MYO1B: variants seen among roughly 807,000 people sequenced by gnomAD.
MYO1B encodes myosin IB, also known as unconventional myosin-Ib.
Under a neutral mutation model 159.7 loss-of-function variants are expected in MYO1B, and 72 were observed. The ratio of observed to expected loss-of-function variants is 0.45; its 90% CI spans 0.37 to 0.55. The LOEUF (loss-of-function observed/expected upper bound fraction) is 0.55, where lower values mean the gene tolerates loss of function less well. MYO1B is among the 20% of genes least tolerant of loss of function. The pLI, the probability that MYO1B is intolerant of heterozygous loss-of-function variation, is 0.00. For synonymous variants in MYO1B, 468 were observed against 473.8 expected (o/e 0.99, Z 0.16); for missense variants, 1,062 against 1,364.8 (o/e 0.78, Z 3.50).
chr2:191,408,713 G>A (rs2203750), intron 25 of MYO1B, among the ~76,000 whole-genome samples: 147,038 of 152,326 alleles, frequency 0.97, 71,164 homozygotes, highest in Middle Eastern at 1. Context: ...TTTAATTTTA[G>A]TTACTTAAAA....
chr2:191,338,888 A>G (rs191278386), intron 4 of MYO1B, among the ~76,000 whole-genome samples: 110 of 152,314 alleles, frequency 7.2e-4, no homozygotes, highest in African/African-American at 2.5e-3. Flanking sequence ...GTGTGTGTGC[A>G]TTAGTATGTT....
chr2:191,321,297 C>G (rs1489363088), intron 3 of MYO1B, among the ~76,000 whole-genome samples: 2 of 152,130 alleles, frequency 1.3e-5, no homozygotes, highest in East Asian at 3.9e-4. Flanking sequence ...AGTAACTTCT[C>G]TTGGGATAGG....
chr2:191,305,621 CG>C (rs1456872091), intron 3 of MYO1B, among the ~76,000 whole-genome samples: 1 of 152,140 alleles, frequency 6.6e-6, no homozygotes. Flanking sequence ...CACAGGCTGG[CG>C]TGGGAGACAG....
At chr2:191,370,610 G>A (rs1694303878) in intron 13 of MYO1B, among the ~76,000 whole-genome samples, 2 of 152,300 alleles carry the variant, frequency 1.3e-5, no homozygotes, top group African/African-American at 2.4e-5. Flanking sequence ...TTGAAATTGC[G>A]TATTTAAATT....
At chr2:191,414,771 T>A in intron 29 of MYO1B, 102 bp downstream of exon 29, 1 of 1,325,768 alleles carries the variant, frequency 7.5e-7, no homozygotes, top group Non-Finnish European at 9.9e-7. Context: ...TCTGCCTTGC[T>A]AATTTGCAAA....
At chr2:191,266,263 A>G (rs1444291119) in intron 1 of MYO1B, among the ~76,000 whole-genome samples, 1 of 152,216 alleles carries the variant, frequency 6.6e-6, no homozygotes, top group Non-Finnish European at 1.5e-5. Context: ...AGAAAGGGGC[A>G]TTGGAGAGGG....
intron 1 of MYO1B, among the ~76,000 whole-genome samples, chr2:191,271,601 A>G (rs1329597700): frequency 1.3e-5 from 2 of 152,154 alleles, no homozygotes; most frequent in South Asian, 2.1e-4. Context: ...CTCAGCTCTG[A>G]TTTGTGAATA....
At chr2:191,255,239 C>CT (rs1280972656) in intron 1 of MYO1B, among the ~76,000 whole-genome samples, 1 of 152,114 alleles carries the variant, frequency 6.6e-6, no homozygotes, top group Non-Finnish European at 1.5e-5. Context: ...TGTACTGAAT[C>CT]TTTAATGTTG....
chr2:191,381,202 G>A (rs1695021152), intron 13 of MYO1B: 2 of 480,056 alleles, frequency 4.2e-6, no homozygotes, highest in Non-Finnish European at 3.8e-6. Context: ...TTCTGTTTGG[G>A]GTGCTTCTCT....
intron 4 of MYO1B, among the ~76,000 whole-genome samples, chr2:191,332,125 G>A (rs536201444): frequency 6.6e-6 from 1 of 152,214 alleles, no homozygotes; most frequent in East Asian, 1.9e-4. Context: ...ACCACGCCCG[G>A]CTAATTTTTG....
At chr2:191,331,642 A>G (rs747321339) in intron 4 of MYO1B, among the ~76,000 whole-genome samples, 23 of 152,304 alleles carry the variant, frequency 1.5e-4, no homozygotes, top group Non-Finnish European at 2.5e-4. Context: ...TTGAATACCA[A>G]CTTAGTGAAA....
intron 1 of MYO1B, among the ~76,000 whole-genome samples, chr2:191,276,253 C>G (rs955987300): frequency 1.6e-4 from 25 of 152,124 alleles, no homozygotes; most frequent in African/African-American, 5.3e-4. Flanking sequence ...AATGAAATTT[C>G]CTCCCATAGA....
At chr2:191,357,022 G>A (rs187491852) in intron 7 of MYO1B, among the ~76,000 whole-genome samples, 163 of 152,198 alleles carry the variant, frequency 1.1e-3, no homozygotes, top group African/African-American at 3.8e-3. Flanking sequence ...TGATTTTTTC[G>A]TAATTAGCCT....
chr2:191,320,010 C>T (rs780863127), intron 3 of MYO1B, among the ~76,000 whole-genome samples: 20 of 152,012 alleles, frequency 1.3e-4, no homozygotes, highest in Non-Finnish European at 2.4e-4. Context: ...ATGAGAGACT[C>T]CTCTAAGACA....
At chr2:191,373,014 G>T (rs1694471498) in intron 13 of MYO1B, among the ~76,000 whole-genome samples, 1 of 146,680 alleles carries the variant, frequency 6.8e-6, no homozygotes, top group Admixed American at 7.0e-5. Flanking sequence ...ACCACGCCCA[G>T]CTAATTTTTG....
chr2:191,292,157 T>C (rs2125798161), intron 2 of MYO1B, among the ~76,000 whole-genome samples: 1 of 152,324 alleles, frequency 6.6e-6, no homozygotes, highest in Admixed American at 6.5e-5. Flanking sequence ...AGAGAAAGCA[T>C]AGTTTCTTTT....
chr2:191,286,532 G>A (rs1185852078), intron 2 of MYO1B, among the ~76,000 whole-genome samples: 4 of 152,178 alleles, frequency 2.6e-5, no homozygotes, highest in Admixed American at 2.0e-4. Context: ...GATTCCCACT[G>A]GTCTGTCTTG....
At chr2:191,261,084 A>G (rs551434814) in intron 1 of MYO1B, among the ~76,000 whole-genome samples, 13 of 152,320 alleles carry the variant, frequency 8.5e-5, no homozygotes, top group South Asian at 8.3e-4. Context: ...AGCCGATGCC[A>G]TAGATACACT....
chr2:191,282,882 T>A (rs1688145788), intron 2 of MYO1B, among the ~76,000 whole-genome samples: 1 of 152,218 alleles, frequency 6.6e-6, no homozygotes. Context: ...GTGAGTGGTT[T>A]ACCATCAGTA....
Sources: gnomAD v4.1 joint callset for allele counts (sites outside exome capture counted in the v4.1 genomes callset) on GRCh38, gnomAD v4.1.1 for gene constraint, MANE v1.5 for transcripts, NCBI Gene and HGNC (gene_info 2026-07-23, HGNC 2026-07-21) for gene names.